The following CNTN5 variants were observed in gnomAD, a reference collection of about 807,000 sequenced individuals.
CNTN5 encodes the protein contactin 5, also known as contactin-5.
Under a neutral mutation model 129.1 loss-of-function variants are expected in CNTN5, and 77 were observed. The observed-to-expected ratio is 0.60, with a 90% confidence interval of 0.50 to 0.72. CNTN5 has a LOEUF of 0.72. Among genes scored for constraint, CNTN5 ranks in the 30% least tolerant of loss-of-function variants. The pLI is 0.00. For synonymous variants in CNTN5, 509 were observed against 465.6 expected (o/e 1.09, Z -1.20); for missense variants, 1,478 against 1,328.8 (o/e 1.11, Z -1.75).
intron 3 of CNTN5, among the ~76,000 whole-genome samples, chr11:99,790,390 A>G (rs115087572): frequency 2.0e-5 from 3 of 151,722 alleles, no homozygotes; most frequent in South Asian, 2.1e-4. Flanking sequence ...GATGTACTCA[A>G]TGTTTAGCTC....
At chr11:99,495,987 G>A (rs1395381696) in intron 2 of CNTN5, among the ~76,000 whole-genome samples, 8 of 152,102 alleles carry the variant, frequency 5.3e-5, no homozygotes, top group Admixed American at 5.2e-4. Context: ...AAGGAAAGAA[G>A]AGCAATGTGG....
At chr11:100,149,178 T>C (rs148536962) in intron 13 of CNTN5, among the ~76,000 whole-genome samples, 1 of 152,316 alleles carries the variant, frequency 6.6e-6, no homozygotes, top group East Asian at 1.9e-4. Context: ...TTTAGATAAA[T>C]GTCTGTTCCT....
At chr11:100,340,278 C>G (rs1330355025) in intron 21 of CNTN5, among the ~76,000 whole-genome samples, 185 bp from the exon 22 acceptor site, 1 of 152,188 alleles carries the variant, frequency 6.6e-6, no homozygotes, top group Non-Finnish European at 1.5e-5. Flanking sequence ...TACACAGATG[C>G]AAAGCAGACA....
At chr11:99,147,578 T>C (rs1222730887) in intron 1 of CNTN5, among the ~76,000 whole-genome samples, 1 of 152,202 alleles carries the variant, frequency 6.6e-6, no homozygotes, top group African/African-American at 2.4e-5. Context: ...CAAGAAATTA[T>C]GAATAATATG....
intron 16 of CNTN5, among the ~76,000 whole-genome samples, chr11:100,237,233 G>T (rs1949638763): frequency 6.7e-6 from 1 of 149,644 alleles, no homozygotes; most frequent in Admixed American, 6.7e-5. Flanking sequence ...CAAGTTCCAA[G>T]TAGAAGTTAC....
In CNTN5 at chr11:100,009,695, G is replaced by A. The variant is rs868575076; in HGVS notation, c.980+7559G>A. On this transcript the variant is annotated intron_variant, in intron 9 of 24. Transcript: ENST00000524871. ...GAGAGGCAGTGGAAGCTCTTTGCCTGAACTGCTGTAAGAATATAATAATGC... is the reference window on the plus strand; with the variant it reads ...GAGAGGCAGTGGAAGCTCTTTGCCTAAACTGCTGTAAGAATATAATAATGC... Among the ~76,000 whole-genome samples the A allele has an allele frequency of 2.8e-4, 42 of 152,280 alleles. No individual in the cohort carries two copies. The Middle Eastern group carries it at 0.01, about 37-fold the overall frequency.
intron 10 of CNTN5, among the ~76,000 whole-genome samples, chr11:100,062,864 C>A (rs749557421): frequency 9.2e-5 from 14 of 152,094 alleles, no homozygotes; most frequent in Non-Finnish European, 1.6e-4. Context: ...GCTCTCTAGC[C>A]ATAGGGAAAA....
chr11:99,487,022 C>T (rs1259392901), intron 2 of CNTN5, among the ~76,000 whole-genome samples: 1 of 152,170 alleles, frequency 6.6e-6, no homozygotes, highest in Non-Finnish European at 1.5e-5. Context: ...TGAAAGAACA[C>T]ACTGCAACAA....
At chr11:99,500,363 A>G (rs947081184) in intron 2 of CNTN5, among the ~76,000 whole-genome samples, 6 of 152,182 alleles carry the variant, frequency 3.9e-5, no homozygotes, top group Admixed American at 3.3e-4. Flanking sequence ...AAGCTAACAC[A>G]TTTGTTTTAA....
rs140452630 is a variant in CNTN5 at position 99,757,386 on chromosome 11, A to G, written c.56-62158A>G. Among the ~76,000 whole-genome samples the G allele has an allele frequency of 1.0e-3, 153 of 151,574 alleles. 1 individual carries two copies. Among genetic ancestry groups the G allele is most frequent in the African/African-American group, 3.4e-3 (140 of 41,328 alleles). ...TCTTCACATGGAGCTCTTTCTGTGT[A>G]GCTCTGTTTCTATATTTTCTGTCCT... On this transcript the variant is annotated intron_variant, in intron 3 of 24. Coordinates refer to ENST00000524871, the MANE Select transcript of CNTN5 (RefSeq NM_014361.4).
At chr11:99,349,185 C>T (rs951619876) in intron 2 of CNTN5, among the ~76,000 whole-genome samples, 1 of 152,086 alleles carries the variant, frequency 6.6e-6, no homozygotes, top group Non-Finnish European at 1.5e-5. Context: ...TGAATGTGCC[C>T]GATCGTGTCT....
rs1013490614 is a variant in CNTN5, at chr11:99,636,391, T to G, written c.55+80122T>G. Among the ~76,000 whole-genome samples, 612 of 152,042 alleles carry G rather than the reference T, an allele frequency of 4.0e-3. 9 individuals carry two copies. Among genetic ancestry groups the G allele is most frequent in the African/African-American group, 0.014 (587 of 41,450 alleles). On this transcript the variant is annotated intron_variant, in intron 3 of 24. Transcript: ENST00000524871. Reference sequence around the variant, plus strand: ...TGAGTTCTTTTTTTTTTTCTTTTTTTTTGTTGTTGTTGTTTGCAATTTGCT... The same window carrying G: ...TGAGTTCTTTTTTTTTTTCTTTTTTGTTGTTGTTGTTGTTTGCAATTTGCT...
chr11:99,152,912 G>A (rs548704501), intron 1 of CNTN5, among the ~76,000 whole-genome samples: 2 of 152,248 alleles, frequency 1.3e-5, no homozygotes, highest in Admixed American at 1.3e-4. Context: ...GCTTAGTATG[G>A]CTGGATATGA....
chr11:99,618,417 A>G (rs1950825801), intron 3 of CNTN5, among the ~76,000 whole-genome samples: 1 of 152,160 alleles, frequency 6.6e-6, no homozygotes, highest in Non-Finnish European at 1.5e-5. Context: ...AAGTATATTG[A>G]TTCATCACTT....
At chr11:100,194,035 T>C (rs111268182) in intron 15 of CNTN5, among the ~76,000 whole-genome samples, 1,540 of 152,120 alleles carry the variant, frequency 0.01, 22 homozygotes, top group African/African-American at 0.035. Context: ...GTCCTTCTCC[T>C]CAAGAACAGT....
chr11:99,931,399 G>T (rs1950188946), intron 7 of CNTN5, among the ~76,000 whole-genome samples: 1 of 152,084 alleles, frequency 6.6e-6, no homozygotes, highest in South Asian at 2.1e-4. Flanking sequence ...ACAGCATAAG[G>T]AAAAAGACTT....
chr11:100,051,213 A>G (rs763450275), intron 9 of CNTN5, among the ~76,000 whole-genome samples: 2 of 152,096 alleles, frequency 1.3e-5, no homozygotes, highest in South Asian at 2.1e-4. Flanking sequence ...TTATCTGCAC[A>G]TGGAATATTC....
Position 99,669,292 on chromosome 11 carries a change from A to T in CNTN5, c.55+113023A>T, listed in dbSNP as rs183048363. Among the ~76,000 whole-genome samples the T allele has an allele frequency of 4.1e-4, 63 of 152,250 alleles. No individual in the cohort carries two copies. In the East Asian group the frequency reaches 5.8e-3, roughly 14 times the overall value. Reference sequence around the variant, plus strand: ...TAAAAGATTGAGTCCTGAAATGGAGATCAGAAAATTAATTTTAAACCTTCA... The same window carrying T: ...TAAAAGATTGAGTCCTGAAATGGAGTTCAGAAAATTAATTTTAAACCTTCA... On this transcript the variant is annotated intron_variant, in intron 3 of 24. Transcript: ENST00000524871.
At chr11:100,255,206 G>A (rs1412799935) in intron 16 of CNTN5, among the ~76,000 whole-genome samples, 2 of 152,186 alleles carry the variant, frequency 1.3e-5, no homozygotes, top group Non-Finnish European at 2.9e-5. Flanking sequence ...TCTGGCATAT[G>A]TCCTTACCTT....
Sources: allele counts gnomAD v4.1 joint callset (sites outside exome capture counted in the v4.1 genomes callset), GRCh38; gene constraint gnomAD v4.1.1; transcripts MANE v1.5; gene names NCBI Gene and HGNC (gene_info 2026-07-23, HGNC 2026-07-21).